ROCK2: variants seen among roughly 807,000 people sequenced by gnomAD.
ROCK2 encodes the protein Rho associated coiled-coil containing protein kinase 2.
A neutral mutation model predicts 195.1 loss-of-function variants in ROCK2; 61 were observed. The observed-to-expected ratio is 0.31, with a 90% CI of 0.25 to 0.39. The LOEUF (loss-of-function observed/expected upper bound fraction) is 0.39. Ranked by LOEUF, ROCK2 falls within the 10% of genes least tolerant of loss-of-function variation. The pLI is 1.00. For missense variants in ROCK2, 1,109 were observed against 1,637.4 expected, an observed-to-expected ratio of 0.68 and a Z score of 5.57; for synonymous variants, 504 against 545.5, an observed-to-expected ratio of 0.92 and a Z score of 1.06.
intron 2 of ROCK2, among the ~76,000 whole-genome samples, chr2:11,287,033 C>T (rs1342367326): frequency 6.6e-6 from 1 of 152,228 alleles, no homozygotes; most frequent in East Asian, 1.9e-4. Flanking sequence ...TGGCCTACTT[C>T]TCTGAAAAGT....
At chr2:11,281,799 C>G (rs1667012196) in intron 3 of ROCK2, among the ~76,000 whole-genome samples, 1 of 152,076 alleles carries the variant, frequency 6.6e-6, no homozygotes, top group Non-Finnish European at 1.5e-5. Flanking sequence ...TCTAACTAAA[C>G]ATGTATAAGA....
intron 23 of ROCK2, among the ~76,000 whole-genome samples, chr2:11,200,026 G>C (rs1558284739): frequency 1.3e-5 from 2 of 152,182 alleles, no homozygotes; most frequent in South Asian, 4.1e-4. Context: ...CTGCCAAAGT[G>C]ATGGGTATGA....
intron 1 of ROCK2, among the ~76,000 whole-genome samples, chr2:11,288,829 T>G (rs958549943): frequency 6.6e-6 from 1 of 152,008 alleles, no homozygotes; most frequent in Non-Finnish European, 1.5e-5. Context: ...CCCAGCTACT[T>G]GGGAGGCTAA....
chr2:11,267,673 A>G (rs892659935), intron 3 of ROCK2, among the ~76,000 whole-genome samples: 6 of 145,944 alleles, frequency 4.1e-5, no homozygotes, highest in African/African-American at 1.5e-4. Flanking sequence ...TGAGCGCCAT[A>G]CCCCTTGAGT....
At chr2:11,281,395 G>A (rs1666997781) in intron 3 of ROCK2, among the ~76,000 whole-genome samples, 1 of 152,060 alleles carries the variant, frequency 6.6e-6, no homozygotes, top group Non-Finnish European at 1.5e-5. Flanking sequence ...CTGAAAGTCC[G>A]AGGTAATGCA....
In ROCK2 at chr2:11,239,273, G is replaced by C. The variant is rs185759576; in HGVS notation, c.463-3311C>G. Among the ~76,000 whole-genome samples, 181 of 152,106 alleles carry C rather than the reference G, an allele frequency of 1.2e-3. 1 individual carries two copies. The highest frequency in any genetic ancestry group is 1.9e-3 in the Non-Finnish European group (132 of 67,978). ...AAAGATACTATTAATAAAATGAGAA[G>C]ATGAACCACAGGTTGGGAGGAAATA... On this transcript the variant is annotated intron_variant, in intron 4 of 32. Transcript: ENST00000315872.
chr2:11,214,513 A>T, intron 16 of ROCK2, 50 bp from the exon 17 acceptor site: 1 of 1,060,116 alleles, frequency 9.4e-7, no homozygotes, highest in Non-Finnish European at 1.4e-6. Flanking sequence ...AAGTATATAC[A>T]TTCAATTAGG....
chr2:11,200,872 A>C (rs1663825940), intron 23 of ROCK2, 85 bp downstream of exon 23: 1 of 1,171,088 alleles, frequency 8.5e-7, no homozygotes, highest in African/African-American at 1.6e-5. Context: ...TTTCATTTAG[A>C]TCTGTGATAC....
Position 11,217,113 on chromosome 2 carries a change from T to C in ROCK2, c.1389A>G (p.Lys463=), listed in dbSNP as rs1278674659. 1 of 1,566,812 alleles carries C rather than the reference T, an allele frequency of 6.4e-7. No individual in the cohort carries two copies. Among genetic ancestry groups the C allele is most frequent in the Non-Finnish European group, 8.8e-7 (1 of 1,137,314 alleles). Residue 463 remains lysine, a synonymous_variant, in exon 12 of 33, where the codon AAA becomes AAG. Transcript: ENST00000315872. ...EEHLSNEMQA[K]EELEQKCKSV... ...ACTTGCACTTCTGTTCCAGTTCCTC[T>C]TTGGCTTGCATCTCATTGCTAAGAT... is the stretch of plus-strand genomic sequence containing the variant.
intron 1 of ROCK2, among the ~76,000 whole-genome samples, chr2:11,322,541 T>C (rs1200634052): frequency 6.6e-6 from 1 of 152,072 alleles, no homozygotes; most frequent in African/African-American, 2.4e-5. Flanking sequence ...GCATGGTGAC[T>C]GCCACCATTC....
chr2:11,253,834 A>C (rs1665920607), intron 3 of ROCK2, among the ~76,000 whole-genome samples: 1 of 152,372 alleles, frequency 6.6e-6, no homozygotes, highest in South Asian at 2.1e-4. Context: ...ATCCACATGT[A>C]CAGCTAATAC....
At chr2:11,238,862 T>G (rs1440718637) in intron 4 of ROCK2, among the ~76,000 whole-genome samples, 1 of 152,018 alleles carries the variant, frequency 6.6e-6, no homozygotes, top group Non-Finnish European at 1.5e-5. Context: ...TATGAAAAGA[T>G]ACATAGATCG....
intron 3 of ROCK2, among the ~76,000 whole-genome samples, chr2:11,283,826 C>T (rs151303057): frequency 6.6e-6 from 1 of 152,306 alleles, no homozygotes; most frequent in East Asian, 1.9e-4. Flanking sequence ...CAAAGTGGTA[C>T]AACCACTTTA....
intron 1 of ROCK2, chr2:11,308,510 C>T: frequency 6.4e-7 from 1 of 1,568,754 alleles, no homozygotes; most frequent in Non-Finnish European, 8.8e-7. Context: ...GCCACTGGAA[C>T]CAGGAATGAC....
Position 11,197,576 on chromosome 2 carries a change from A to T in ROCK2, c.3229T>A (p.Leu1077Met), listed in dbSNP as rs772167443. The stretch of plus-strand genomic sequence containing the variant: ...TGATACTTGATCATCTGCTGGGTCA[A>T]TTTCTCACGTTCAGATTTAAGCTCC... ...HMELKSEREK[L>M]TQQMIKYQKE... The change falls in exon 26 of 33, where the codon TTG becomes ATG. Residue 1077 changes from leucine (L) to methionine (M), a missense_variant. Physicochemically the swap from Leu to Met is conservative, Grantham distance 15. Coordinates refer to ENST00000315872, the MANE Select transcript of ROCK2 (RefSeq NM_004850.5). This position sits in a 1 kb window ranked among gnomAD's most constrained non-coding sequence, Gnocchi z 4.9. The T allele has an allele frequency of 4.3e-6, 7 of 1,613,470 alleles. No homozygotes were observed. The highest frequency in any genetic ancestry group is 5.9e-6 in the Non-Finnish European group (7 of 1,179,828).
At chr2:11,208,598 TTTC>T (rs1664139463) in intron 18 of ROCK2, 151 bp from the exon 19 acceptor site, 1 of 396,454 alleles carries the variant, frequency 2.5e-6, no homozygotes, top group Admixed American at 5.5e-5. Flanking sequence ...CTTTTTTTCT[TTTC>T]TTTTTTTTTT....
chr2:11,181,880 G>A lies in ROCK2; in HGVS notation c.*1557C>T, dbSNP rs542925585. The A allele has an allele frequency of 6.6e-6, 1 of 152,010 alleles. No individual in the cohort carries two copies. The highest frequency in any genetic ancestry group is 2.4e-5 in the African/African-American group (1 of 41,488). The allele number at this position is 152,010 out of a possible 1,614,324, so 9.4% of individuals were successfully genotyped here. On this transcript the variant is annotated 3_prime_UTR_variant, in exon 33 of 33. Transcript: ENST00000315872. ...ACTCCTCACCTCAGGTGATCCGCCC[G>A]TCTTGGCCTCCCAAAGTGCTAGGAT... is the stretch of plus-strand genomic sequence containing the variant.
rs190449289 is a variant in ROCK2 at position 11,278,129 on chromosome 2, G to T, written c.324+8410C>A. Reference sequence around the variant, plus strand: ...AAATCTATTCTTTTAGAGATTTTTTGAAAATACATTATTAACTACAGTCAC... The same window carrying T: ...AAATCTATTCTTTTAGAGATTTTTTTAAAATACATTATTAACTACAGTCAC... On this transcript the variant is annotated intron_variant, in intron 3 of 32. Coordinates refer to ENST00000315872, the MANE Select transcript of ROCK2 (RefSeq NM_004850.5). Among the ~76,000 whole-genome samples the T allele has an allele frequency of 1.4e-4, 21 of 152,124 alleles. No homozygotes were observed. The East Asian group carries it at 4.1e-3, about 29-fold the overall frequency.
chr2:11,228,695 T>C (rs1406428603), intron 5 of ROCK2, among the ~76,000 whole-genome samples: 1 of 152,226 alleles, frequency 6.6e-6, no homozygotes, highest in Admixed American at 6.5e-5. Context: ...TTATTTCACA[T>C]ACATCCACAG....
Sources: gnomAD v4.1 joint callset for allele counts (sites outside exome capture counted in the v4.1 genomes callset) on GRCh38, gnomAD v4.1.1 for gene constraint, Gnocchi (gnomAD v3.1) non-coding constraint, MANE v1.5 for transcripts, NCBI Gene and HGNC (gene_info 2026-07-23, HGNC 2026-07-21) for gene names.